MRPS10: variants seen among roughly 807,000 people sequenced by gnomAD.
MRPS10 encodes the protein small ribosomal subunit protein uS10m.
In MRPS10, 23 loss-of-function variants were observed where a neutral mutation model predicts 27.5. That is an observed-to-expected ratio of 0.84 (90% CI 0.60 to 1.18). The LOEUF (loss-of-function observed/expected upper bound fraction) is 1.18. Among genes scored for constraint, MRPS10 ranks in the 50% most tolerant of loss-of-function variants. MRPS10 has a pLI of 0.00. For synonymous variants in MRPS10, 88 were observed against 84.2 expected, an observed-to-expected ratio of 1.04 and a Z score of -0.25; for missense variants, 237 against 240.1, an observed-to-expected ratio of 0.99 and a Z score of 0.09.
At chr6:42,211,075 C>T (rs1356201018) in intron 4 of MRPS10, among the ~76,000 whole-genome samples, 1 of 152,182 alleles carries the variant, frequency 6.6e-6, no homozygotes, top group Non-Finnish European at 1.5e-5. Flanking sequence ...GATGGGGCCT[C>T]GTTCAACAGC....
In MRPS10 at chr6:42,208,158, G is replaced by A. The variant is rs1308318174; in HGVS notation, c.*131C>T. The A allele has an allele frequency of 1.4e-6, 1 of 694,982 alleles. No individual in the cohort carries two copies. The allele number at this position is 694,982 out of a possible 1,614,324, so 43.1% of individuals were successfully genotyped here. Reference sequence around the variant, plus strand: ...GTTCCATTCCCTGCCCTCAGCTGATGAGGGCACGAGAACTCAATGGAGCAG... The same window carrying A: ...GTTCCATTCCCTGCCCTCAGCTGATAAGGGCACGAGAACTCAATGGAGCAG... On this transcript the variant is annotated 3_prime_UTR_variant, in exon 7 of 7. Coordinates refer to ENST00000053468, the MANE Select transcript of MRPS10 (RefSeq NM_018141.4).
At chr6:42,217,249 C>T (rs1371360854) in intron 1 of MRPS10, among the ~76,000 whole-genome samples, 1 of 152,196 alleles carries the variant, frequency 6.6e-6, no homozygotes. Flanking sequence ...CAAAAGCTCT[C>T]TGGAGTCCTG....
At chr6:42,209,037 T>A in intron 5 of MRPS10, 90 bp from the exon 6 acceptor site, 1 of 805,968 alleles carries the variant, frequency 1.2e-6, no homozygotes, top group East Asian at 2.7e-5. Flanking sequence ...TCTCACTCTG[T>A]TGCCTGGGCT....
chr6:42,211,913 G>C lies in MRPS10; in HGVS notation c.191C>G (p.Thr64Arg), dbSNP rs139935420. Residue 64 changes from threonine to arginine, a missense_variant, in exon 4 of 7, where the codon ACA becomes AGA. This residue lies in a region of MRPS10 where 164 missense variants were observed against 137.8 expected (regional missense o/e 1.19). Transcript: ENST00000053468. The stretch of plus-strand genomic sequence containing the variant: ...TAATATGTCTGGTTCATCAGAGATT[G>C]TTACCTAAAATCCAAAAGAAAAGTT... ...VPKDLTKPVV[T>R]ISDEPDILYK... 3.7e-5 allele frequency: 59 copies of C among 1,604,254 alleles called. No individual in the cohort carries two copies. In the East Asian group the frequency reaches 1.3e-3, roughly 35 times the overall value.
Position 42,208,999 on chromosome 6 carries a change from G to GTTTTTTTTT in MRPS10, c.433-53_433-52insAAAAAAAAA, listed in dbSNP as rs375700314. The GTTTTTTTTT allele has an allele frequency of 9.7e-6, 10 of 1,026,114 alleles. 1 individual carries two copies. The highest frequency in any genetic ancestry group is 4.2e-5 in the African/African-American group (2 of 47,704). The allele number at this position is 1,026,114 out of a possible 1,614,324, so 63.6% of individuals were successfully genotyped here. ...CATGTAAGCTGTTTGTTAAAGCACG[G>GTTTTTTTTT]TTTTTTGTTTTTTTTTTTGAGATGG... On this transcript the variant is annotated intron_variant, in intron 5 of 6. Transcript: ENST00000053468.
intron 3 of MRPS10, among the ~76,000 whole-genome samples, chr6:42,212,382 C>A (rs1768807322): frequency 6.6e-6 from 1 of 152,102 alleles, no homozygotes; most frequent in African/African-American, 2.4e-5. Context: ...CATAGTATTT[C>A]TCTAAGAAAA....
Position 42,211,816 on chromosome 6 carries a change from C to A in MRPS10, c.288G>T (p.Val96=), listed in dbSNP as rs543230252. The change falls in exon 4 of 7, where the codon GTG becomes GTT. Residue 96 remains valine (V), a synonymous_variant. Transcript: ENST00000053468. The part of the protein sequence containing the change: ...AVLDSYEYFA[V]LAAKELGISI... ...AGATACCAAGTTCTTTAGCAGCAAG[C>A]ACAGCAAAATATTCATAACTGTCCA... The A allele has an allele frequency of 1.9e-6, 3 of 1,613,882 alleles. No homozygotes were observed. In the African/African-American group the frequency reaches 4.0e-5, roughly 22 times the overall value.
In MRPS10 at chr6:42,207,509, C is replaced by G. The variant is rs1202070717; in HGVS notation, c.*780G>C. 1 of 152,278 alleles carries G rather than the reference C, an allele frequency of 6.6e-6. No individual in the cohort carries two copies. The highest frequency in any genetic ancestry group is 2.4e-5 in the African/African-American group (1 of 41,542). The allele number at this position is 152,278 out of a possible 1,614,324, so 9.4% of individuals were successfully genotyped here. A position where few individuals can be genotyped will look rare whatever the true frequency, so the allele number is the denominator to read the frequency against. ...TGCTGGGATTACAGGCGTGAGCCAC[C>G]GTGCCTGGCCTGCTTTGTGCGATTT... On this transcript the variant is annotated 3_prime_UTR_variant, in exon 7 of 7. Transcript: ENST00000053468.
intron 3 of MRPS10, among the ~76,000 whole-genome samples, chr6:42,213,501 G>A (rs1372693086): frequency 6.6e-6 from 1 of 152,102 alleles, no homozygotes; most frequent in African/African-American, 2.4e-5. Flanking sequence ...AGTTAGAAAA[G>A]AGCAGTAAAC....
At chr6:42,208,494 T>C (rs966974821) in intron 6 of MRPS10, 122 bp from the exon 7 acceptor site, 2 of 769,272 alleles carry the variant, frequency 2.6e-6, no homozygotes, top group South Asian at 1.8e-5. Context: ...CTAGTCTTTC[T>C]ATAGGGTTTT....
intron 1 of MRPS10, among the ~76,000 whole-genome samples, chr6:42,216,385 A>AGAGTGTGTGTGTGTGTGTGTGT: frequency 2.7e-4 from 16 of 58,690 alleles, no homozygotes; most frequent in East Asian, 1.2e-3. Flanking sequence ...AGAGAGAGAG[A>AGAGTGTGTGTGTGTGTGTGTGT]GTGTGTGTGT....
At chr6:42,216,982 G>A (rs1052272190) in intron 1 of MRPS10, among the ~76,000 whole-genome samples, 5 of 152,086 alleles carry the variant, frequency 3.3e-5, no homozygotes, top group Non-Finnish European at 5.9e-5. Flanking sequence ...AAGTTTTCCC[G>A]TGACAGCCTG....
chr6:42,211,922 A>G lies in MRPS10; in HGVS notation c.187-5T>C. ...TGGTTCATCAGAGATTGTTACCTAA[A>G]ATCCAAAAGAAAAGTTTCAGTTTTA... On this transcript the variant is annotated splice_region_variant and splice_polypyrimidine_tract_variant and intron_variant, in intron 3 of 6. Transcript: ENST00000053468. 1 of 1,602,602 alleles carries G rather than the reference A, an allele frequency of 6.2e-7. No individual in the cohort carries two copies. Among genetic ancestry groups the G allele is most frequent in the Non-Finnish European group, 8.5e-7 (1 of 1,177,084 alleles).
chr6:42,208,878 C>T lies in MRPS10; in HGVS notation c.502G>A (p.Val168Ile), dbSNP rs767186292. Residue 168 changes from valine to isoleucine, a missense_variant, in exon 6 of 7, where the codon GTT becomes ATT. Transcript: ENST00000053468. ...TATACCTTTGTTACTTCCATGGCAA[C>T]CCCTTCAGGTAAGTTTCGCTGAATA... ...EYIQRNLPEG[V>I]AMEVTKTQLE... The T allele has an allele frequency of 6.2e-7, 1 of 1,609,824 alleles. No homozygotes were observed. Among genetic ancestry groups the T allele is most frequent in the Non-Finnish European group, 8.5e-7 (1 of 1,177,034 alleles).
At chr6:42,208,480 C>A in intron 6 of MRPS10, 108 bp from the exon 7 acceptor site, 1 of 852,390 alleles carries the variant, frequency 1.2e-6, no homozygotes, top group Non-Finnish European at 1.9e-6. Context: ...TTTCTTTTAT[C>A]CCCCTAGTCT....
intron 1 of MRPS10, among the ~76,000 whole-genome samples, chr6:42,215,293 G>A (rs1310181188): frequency 7.8e-6 from 1 of 128,310 alleles, no homozygotes; most frequent in African/African-American, 3.0e-5. Context: ...GGGAGGCTGA[G>A]GCAGGAGAAT....
intron 1 of MRPS10, 101 bp downstream of exon 1, chr6:42,217,701 A>G: frequency 7.9e-7 from 1 of 1,260,852 alleles, no homozygotes; most frequent in Non-Finnish European, 1.1e-6. Flanking sequence ...GTGAGGGATA[A>G]ATATCAGGAA....
intron 5 of MRPS10, 32 bp from the exon 6 acceptor site, chr6:42,208,979 A>G (rs765801798): frequency 2.1e-6 from 3 of 1,437,920 alleles, no homozygotes; most frequent in Non-Finnish European, 2.9e-6. Flanking sequence ...TGTTTCATGT[A>G]AGCTGTTTGT....
intron 4 of MRPS10, among the ~76,000 whole-genome samples, chr6:42,211,317 C>G (rs541079424): frequency 6.6e-6 from 1 of 152,338 alleles, no homozygotes; most frequent in African/African-American, 2.4e-5. Context: ...GGCAGGAAGG[C>G]ATGATCCTGA....
Sources: gnomAD v4.1 joint callset for allele counts (sites outside exome capture counted in the v4.1 genomes callset) on GRCh38, gnomAD v4.1.1 for gene constraint, gnomAD v4.1.1 regional missense constraint, MANE v1.5 for transcripts, NCBI Gene and HGNC (gene_info 2026-07-23, HGNC 2026-07-21) for gene names.